CSTF3: variants seen among roughly 807,000 people sequenced by gnomAD.
The protein encoded by CSTF3 is cleavage stimulation factor subunit 3.
In CSTF3, 29 loss-of-function variants were observed where a neutral mutation model predicts 105.8. The ratio of observed to expected loss-of-function variants is 0.27; its 90% confidence interval spans 0.20 to 0.37. The LOEUF is 0.37. CSTF3 is among the 10% of genes least tolerant of loss of function. The probability of loss-of-function intolerance (pLI) is 1.00; values close to 1 mark genes in which losing one functional copy is unlikely to be tolerated. For missense variants in CSTF3, 357 were observed against 879.3 expected, an observed-to-expected ratio of 0.41 and a Z score of 7.51; for synonymous variants, 252 against 281.9, an observed-to-expected ratio of 0.89 and a Z score of 1.06.
intron 3 of CSTF3, among the ~76,000 whole-genome samples, chr11:33,131,912 G>C (rs1855603930): frequency 6.8e-6 from 1 of 147,808 alleles, no homozygotes; most frequent in Admixed American, 6.6e-5. Flanking sequence ...TGGTTTTACA[G>C]GGTACTATTC....
At chr11:33,104,584 C>A (rs1855310194) in intron 8 of CSTF3, among the ~76,000 whole-genome samples, 1 of 152,014 alleles carries the variant, frequency 6.6e-6, no homozygotes, top group Non-Finnish European at 1.5e-5. Context: ...CCAGCCTGAG[C>A]AACATGGAGA....
intron 15 of CSTF3, among the ~76,000 whole-genome samples, chr11:33,094,317 C>T (rs1855197385): frequency 6.6e-6 from 1 of 152,182 alleles, no homozygotes; most frequent in Non-Finnish European, 1.5e-5. Flanking sequence ...AGATTATACA[C>T]CTAACCTCAG....
At chr11:33,155,242 T>C (rs1048633589) in intron 1 of CSTF3, among the ~76,000 whole-genome samples, 2 of 151,844 alleles carry the variant, frequency 1.3e-5, no homozygotes, top group Non-Finnish European at 2.9e-5. Context: ...CGGGCACCTA[T>C]AGTCCCCGCT....
chr11:33,115,617 C>A (rs1048562626), intron 3 of CSTF3, among the ~76,000 whole-genome samples: 7 of 151,868 alleles, frequency 4.6e-5, no homozygotes, highest in African/African-American at 1.7e-4. Flanking sequence ...TTTTCTAGCA[C>A]TGGAGATAAA....
At chr11:33,100,402 G>A (rs1855270087) in intron 10 of CSTF3, among the ~76,000 whole-genome samples, 1 of 150,446 alleles carries the variant, frequency 6.6e-6, no homozygotes. Context: ...TCACCATGTT[G>A]CCAAGGCTTG....
chr11:33,138,940 CA>C, intron 3 of CSTF3, among the ~76,000 whole-genome samples: 1 of 151,852 alleles, frequency 6.6e-6, no homozygotes, highest in South Asian at 2.1e-4. Context: ...CAACAATTTC[CA>C]CACTACAGCA....
At chr11:33,118,718 C>A (rs1855458364) in intron 3 of CSTF3, among the ~76,000 whole-genome samples, 2 of 148,176 alleles carry the variant, frequency 1.3e-5, no homozygotes, top group South Asian at 4.4e-4. Flanking sequence ...TCAGGAAAGT[C>A]AAGAAATCAA....
intron 3 of CSTF3, among the ~76,000 whole-genome samples, chr11:33,116,693 T>C (rs1286372111): frequency 6.6e-6 from 1 of 152,110 alleles, no homozygotes; most frequent in African/African-American, 2.4e-5. Context: ...TCCTGGCAGG[T>C]AAACAATGAG....
At chr11:33,122,283 CT>C (rs1326168902) in intron 3 of CSTF3, among the ~76,000 whole-genome samples, 1 of 152,044 alleles carries the variant, frequency 6.6e-6, no homozygotes, top group Non-Finnish European at 1.5e-5. Context: ...TCAAAAGGAT[CT>C]GATTGTTGAA....
intron 15 of CSTF3, among the ~76,000 whole-genome samples, chr11:33,095,667 A>G (rs1346951683): frequency 6.6e-6 from 1 of 151,274 alleles, no homozygotes; most frequent in Non-Finnish European, 1.5e-5. Context: ...TAAAAATACA[A>G]AAAATTAGCC....
intron 14 of CSTF3, among the ~76,000 whole-genome samples, 174 bp downstream of exon 14, chr11:33,096,661 G>GC (rs1445265708): frequency 6.6e-6 from 1 of 152,162 alleles, no homozygotes; most frequent in East Asian, 1.9e-4. Flanking sequence ...GCATAAATTA[G>GC]CAAGTAGTTG....
At chr11:33,157,585 GA>G (rs199887431) in intron 1 of CSTF3, among the ~76,000 whole-genome samples, 2 of 150,580 alleles carry the variant, frequency 1.3e-5, no homozygotes, top group African/African-American at 2.4e-5. Context: ...TACTAGAGTT[GA>G]AAAAAAAATC....
At chr11:33,157,078 C>T (rs1046230487) in intron 1 of CSTF3, among the ~76,000 whole-genome samples, 3 of 151,682 alleles carry the variant, frequency 2.0e-5, no homozygotes, top group East Asian at 2.0e-4. Flanking sequence ...ACAGGCTGGG[C>T]GCAGTGGCTC....
At chr11:33,145,718 G>C (rs1032812160) in intron 1 of CSTF3, among the ~76,000 whole-genome samples, 1 of 151,538 alleles carries the variant, frequency 6.6e-6, no homozygotes. Flanking sequence ...GGAGGCTGAG[G>C]CAAGAGAATA....
At chr11:33,105,726 T>C (rs1855319712) in intron 7 of CSTF3, 33 bp from the exon 8 acceptor site, 3 of 1,609,746 alleles carry the variant, frequency 1.9e-6, no homozygotes, top group African/African-American at 1.3e-5. Flanking sequence ...ATCAATTATA[T>C]TATAACCAAA....
Position 33,099,772 on chromosome 11 carries a change from A to T in CSTF3, c.827-55T>A, listed in dbSNP as rs959794460. The T allele has an allele frequency of 5.7e-5, 65 of 1,143,406 alleles. No homozygotes were observed. The highest frequency in any genetic ancestry group is 4.8e-5 in the Non-Finnish European group (39 of 808,910). 70.8% of individuals were successfully genotyped at this position (1,143,406 alleles called of 1,614,324 possible). ...AATTAAAATAATTATTATTTGTAAA[A>T]CTATCAATGTAAATATCATAACCAA... is the stretch of plus-strand genomic sequence containing the variant. On this transcript the variant is annotated intron_variant, in intron 10 of 20. Transcript: ENST00000323959. This position sits in a 1 kb window ranked among gnomAD's most constrained non-coding sequence, Gnocchi z 4.1.
intron 17 of CSTF3, among the ~76,000 whole-genome samples, chr11:33,087,769 C>G (rs1855121002): frequency 6.6e-6 from 1 of 152,172 alleles, no homozygotes; most frequent in Non-Finnish European, 1.5e-5. Flanking sequence ...TTTGATATTT[C>G]CCAGGTCACA....
rs187385054 is a variant in CSTF3 at position 33,116,709 on chromosome 11, T to C, written c.226-8291A>G. On this transcript the variant is annotated intron_variant, in intron 3 of 20. Transcript: ENST00000323959. Reference sequence around the variant, plus strand: ...CCTGGCAGGTAAACAATGAGGAAAGTTGAAAAAAGATGACTCATAAGTAGG... The same window carrying C: ...CCTGGCAGGTAAACAATGAGGAAAGCTGAAAAAAGATGACTCATAAGTAGG... Among the ~76,000 whole-genome samples, 6 of 152,148 alleles carry C rather than the reference T, an allele frequency of 3.9e-5. No individual in the cohort carries two copies. The East Asian group carries it at 1.2e-3, about 29-fold the overall frequency.
chr11:33,160,913 G>A (rs1012658261), intron 1 of CSTF3, among the ~76,000 whole-genome samples: 2 of 152,176 alleles, frequency 1.3e-5, no homozygotes, highest in African/African-American at 2.4e-5. Context: ...TCTGGGTACA[G>A]TATATTTGGC....
Sources: gnomAD v4.1 joint callset for allele counts (sites outside exome capture counted in the v4.1 genomes callset) on GRCh38, gnomAD v4.1.1 for gene constraint, Gnocchi (gnomAD v3.1) non-coding constraint, MANE v1.5 for transcripts, NCBI Gene and HGNC (gene_info 2026-07-23, HGNC 2026-07-21) for gene names.